The following DCAF4 variants were observed in gnomAD, a reference collection of about 807,000 sequenced individuals.
DCAF4 encodes DDB1- and CUL4-associated factor 4.
A neutral mutation model predicts 60.9 loss-of-function variants in DCAF4; 37 were observed. The ratio of observed to expected loss-of-function variants is 0.61; its 90% CI spans 0.47 to 0.80. The LOEUF (loss-of-function observed/expected upper bound fraction) is 0.80. DCAF4 is among the 30% of genes least tolerant of loss of function. The pLI, the probability that DCAF4 is intolerant of heterozygous loss-of-function variation, is 0.00. For synonymous variants in DCAF4, 243 were observed against 254.8 expected (o/e 0.95, Z 0.44); for missense variants, 577 against 650.0 (o/e 0.89, Z 1.22).
At chr14:72,940,164 T>C (rs1489489374) in intron 3 of DCAF4, 56 bp from the exon 4 acceptor site, 3 of 1,604,858 alleles carry the variant, frequency 1.9e-6, no homozygotes, top group Non-Finnish European at 2.6e-6. Flanking sequence ...GGCGCCCAAC[T>C]CAGGTGGTCA....
intron 9 of DCAF4, among the ~76,000 whole-genome samples, chr14:72,953,732 A>AAATATAT (rs1555527852): frequency 4.6e-5 from 1 of 21,766 alleles, no homozygotes; most frequent in Admixed American, 8.0e-4. Flanking sequence ...AAAAAAAAAA[A>AAATATAT]ATATATATAT....
chr14:72,939,634 C>T (rs1027453160), intron 2 of DCAF4, among the ~76,000 whole-genome samples, 168 bp from the exon 3 acceptor site: 5 of 152,184 alleles, frequency 3.3e-5, no homozygotes, highest in Non-Finnish European at 5.9e-5. Context: ...CAAAACCTTG[C>T]CCTATTTTGT....
At position 72,954,457 on chromosome 14, in the gene DCAF4, G is replaced by T. The variant is rs1237350284; in HGVS notation, c.979G>T (p.Val327Phe). 8 of 1,614,244 alleles carry T rather than the reference G, an allele frequency of 5.0e-6. No homozygotes were observed. The highest frequency in any genetic ancestry group is 6.8e-6 in the Non-Finnish European group (8 of 1,180,052). ...GCAGTCCTTTGGGACCAACAGTGAT[G>T]TCTTGGCCCAGCAGTTTGCTCTCAT... ...HRQSFGTNSD[V>F]LAQQFALMAP... The change falls in exon 11 of 14, where the codon GTC becomes TTC. Residue 327 changes from valine (V) to phenylalanine (F), a missense_variant. Val to Phe is a conservative substitution (Grantham distance 50). Transcript: ENST00000358377.
chr14:72,941,881 A>T, intron 5 of DCAF4, 57 bp downstream of exon 5: 9 of 1,571,638 alleles, frequency 5.7e-6, no homozygotes, highest in African/African-American at 1.4e-5. Context: ...CCTGTTTCTT[A>T]TTTTCATGGT....
At chr14:72,942,132 C>T in intron 5 of DCAF4, 1 of 318,700 alleles carries the variant, frequency 3.1e-6, no homozygotes, top group South Asian at 7.8e-5. Flanking sequence ...ACTTCATTCC[C>T]ATGACATTTC....
rs775819176 is a variant in DCAF4 at position 72,956,380 on chromosome 14, C to A, written c.1180-6C>A. On this transcript the variant is annotated splice_polypyrimidine_tract_variant and splice_region_variant and intron_variant, in intron 12 of 13. Coordinates refer to ENST00000358377, the MANE Select transcript of DCAF4 (RefSeq NM_015604.4). ...TCCCTGATGGCCCCTGGTGCTTTTTCCACAGATCAAGCTGTGGGACCTGAG... is the reference window on the plus strand; with the variant it reads ...TCCCTGATGGCCCCTGGTGCTTTTTACACAGATCAAGCTGTGGGACCTGAG... 22 of 1,594,360 alleles carry A rather than the reference C, an allele frequency of 1.4e-5. No individual in the cohort carries two copies. The highest frequency in any genetic ancestry group is 1.6e-5 in the Non-Finnish European group (19 of 1,170,618).
chr14:72,947,802 G>T (rs1040817345), intron 8 of DCAF4, among the ~76,000 whole-genome samples: 2 of 152,274 alleles, frequency 1.3e-5, no homozygotes, highest in South Asian at 4.1e-4. Context: ...GCTTTTTAGA[G>T]CACTCATCAC....
At chr14:72,939,981 T>C in intron 3 of DCAF4, 79 bp downstream of exon 3, 1 of 1,395,652 alleles carries the variant, frequency 7.2e-7, no homozygotes. Flanking sequence ...TGGAAGGAAT[T>C]CCAGGAGCAA....
intron 5 of DCAF4, 67 bp from the exon 6 acceptor site, chr14:72,942,927 G>A: frequency 1.3e-6 from 2 of 1,483,672 alleles, no homozygotes; most frequent in East Asian, 2.3e-5. Context: ...GGGAAGGCCA[G>A]AGACCCCCGA....
Position 72,939,867 on chromosome 14 carries a change from C to A in DCAF4, c.158C>A (p.Thr53Asn). ...CACGGTGATGACGAGTCTCCGTCAA[C>A]CTCGTCTGGCACAGCTGGGACCTCC... ...SGHGDDESPS[T>N]SSGTAGTSSV... The change falls in exon 3 of 14, where the codon ACC becomes AAC. Residue 53 changes from threonine (T) to asparagine (N), a missense_variant. Thr to Asn is a moderately conservative substitution (Grantham distance 65, BLOSUM62 0). Coordinates refer to ENST00000358377, the MANE Select transcript of DCAF4 (RefSeq NM_015604.4). 1 of 1,612,042 alleles carries A rather than the reference C, an allele frequency of 6.2e-7. No individual in the cohort carries two copies. Among genetic ancestry groups the A allele is most frequent in the Non-Finnish European group, 8.5e-7 (1 of 1,179,138 alleles).
At chr14:72,928,398 T>A (rs1887973297) in intron 1 of DCAF4, among the ~76,000 whole-genome samples, 1 of 150,890 alleles carries the variant, frequency 6.6e-6, no homozygotes, top group Admixed American at 6.6e-5. Flanking sequence ...TTCACCATGT[T>A]GGCCAGGATG....
chr14:72,958,574 C>T, intron 13 of DCAF4, 38 bp from the exon 14 acceptor site: 1 of 1,611,988 alleles, frequency 6.2e-7, no homozygotes. Flanking sequence ...CCTTTGCATT[C>T]TCTCACTAGC....
intron 1 of DCAF4, among the ~76,000 whole-genome samples, chr14:72,937,579 C>A (rs1889451165): frequency 6.6e-6 from 1 of 151,868 alleles, no homozygotes; most frequent in Non-Finnish European, 1.5e-5. Flanking sequence ...CGTTACAACT[C>A]CCGGCTAATT....
chr14:72,954,590 G>T, intron 11 of DCAF4, 107 bp downstream of exon 11: 2 of 1,024,566 alleles, frequency 2.0e-6, no homozygotes, highest in Non-Finnish European at 1.5e-6. Flanking sequence ...TTTGACAGGG[G>T]AGAAAGAGCA....
intron 8 of DCAF4, 138 bp downstream of exon 8, chr14:72,947,329 A>C (rs1282557084): frequency 9.7e-7 from 1 of 1,028,626 alleles, no homozygotes. Flanking sequence ...ACGCTTTAGA[A>C]AAAAAAGCAG....
intron 1 of DCAF4, chr14:72,929,654 C>A: frequency 7.5e-7 from 1 of 1,329,940 alleles, no homozygotes; most frequent in Non-Finnish European, 1.1e-6. Flanking sequence ...CAGCCAGTAC[C>A]TTGCTCAGCT....
At chr14:72,940,552 G>T (rs1032461839) in intron 4 of DCAF4, 175 bp downstream of exon 4, 1 of 551,872 alleles carries the variant, frequency 1.8e-6, no homozygotes, top group South Asian at 3.2e-5. Context: ...ACAGCCAAGA[G>T]CCCCCTTCTT....
intron 9 of DCAF4, among the ~76,000 whole-genome samples, chr14:72,953,763 A>G (rs372750585): frequency 0.091 from 3,454 of 38,016 alleles, 672 homozygotes; most frequent in South Asian, 0.17. Context: ...ATATATATAT[A>G]GTTTATTTAT....
chr14:72,955,972 G>A (rs1892238825), intron 12 of DCAF4, among the ~76,000 whole-genome samples: 1 of 140,696 alleles, frequency 7.1e-6, no homozygotes, highest in Admixed American at 7.5e-5. Flanking sequence ...GCCCGGGCTG[G>A]AGTGCAGTGG....
Sources: gnomAD v4.1 joint callset for allele counts (sites outside exome capture counted in the v4.1 genomes callset) on GRCh38, gnomAD v4.1.1 for gene constraint, MANE v1.5 for transcripts, NCBI Gene and HGNC (gene_info 2026-07-23, HGNC 2026-07-21) for gene names.